Variants in MRE11 observed in about 807,000 individuals in gnomAD.
MRE11 encodes double-strand break repair protein MRE11.
A neutral mutation model predicts 91.7 loss-of-function variants in MRE11; 62 were observed. The ratio of observed to expected loss-of-function variants is 0.68; its 90% CI spans 0.55 to 0.84. MRE11 has a LOEUF of 0.84. MRE11 is among the 40% of genes least tolerant of loss of function. The pLI, the probability that MRE11 is intolerant of heterozygous loss-of-function variation, is 0.00. For missense variants in MRE11, 796 were observed against 852.9 expected, an observed-to-expected ratio of 0.93 and a Z score of 0.83; for synonymous variants, 273 against 271.4, an observed-to-expected ratio of 1.01 and a Z score of -0.06.
rs772736856 is a variant in MRE11 at position 94,461,042 on chromosome 11, A to C, written c.1226-6T>G. ...CCCAAAGTTGATCTCTTCTCCTAGA[A>C]AAAAAGAAGTATATCAAAAAATAGC... On this transcript the variant is annotated splice_polypyrimidine_tract_variant and splice_region_variant and intron_variant, in intron 11 of 19. Coordinates refer to ENST00000323929, the MANE Select transcript of MRE11 (RefSeq NM_005591.4). 1.2e-6 allele frequency: 2 copies of C among 1,606,256 alleles called. No individual in the cohort carries two copies. The highest frequency in any genetic ancestry group is 1.7e-5 in the Admixed American group (1 of 59,872).
intron 3 of MRE11, among the ~76,000 whole-genome samples, chr11:94,488,278 T>C (rs1446661837): frequency 6.6e-6 from 1 of 152,120 alleles, no homozygotes; most frequent in Non-Finnish European, 1.5e-5. Context: ...CACCTTACAT[T>C]CTATTATTGA....
intron 16 of MRE11, among the ~76,000 whole-genome samples, chr11:94,444,866 T>C (rs920906514): frequency 3.3e-5 from 5 of 151,714 alleles, no homozygotes; most frequent in African/African-American, 1.2e-4. Flanking sequence ...AGTGAAACAA[T>C]AACCTCAAAT....
At chr11:94,470,179 C>A (rs1946668154) in intron 9 of MRE11, among the ~76,000 whole-genome samples, 1 of 151,826 alleles carries the variant, frequency 6.6e-6, no homozygotes, top group African/African-American at 2.4e-5. Flanking sequence ...AACAAATCAT[C>A]AAATCAGGAT....
chr11:94,456,406 C>T lies in MRE11; in HGVS notation c.1501-68G>A, dbSNP rs1289324691. ...AGTTATGTAAATATAAAACAAGGGG[C>T]TACAATTAAGAAATGCTTTATGTTA... On this transcript the variant is annotated intron_variant, in intron 13 of 19. Transcript: ENST00000323929. 3.3e-6 allele frequency: 4 copies of T among 1,217,938 alleles called. No individual in the cohort carries two copies. In the East Asian group the frequency reaches 7.1e-5, roughly 22 times the overall value. 75.4% of individuals were successfully genotyped at this position (1,217,938 alleles called of 1,614,324 possible).
chr11:94,472,823 A>G (rs1004615417), intron 7 of MRE11: 1 of 152,162 alleles, frequency 6.6e-6, no homozygotes, highest in Admixed American at 6.6e-5. Flanking sequence ...CAAAAAATCC[A>G]AAATCTTAAA....
At chr11:94,453,011 C>T (rs1236247982) in intron 14 of MRE11, among the ~76,000 whole-genome samples, 1 of 152,166 alleles carries the variant, frequency 6.6e-6, no homozygotes. Flanking sequence ...CCCCAGTAAC[C>T]ACTATTCTAC....
At chr11:94,466,759 G>A (rs771908638) in intron 10 of MRE11, among the ~76,000 whole-genome samples, 2 of 152,078 alleles carry the variant, frequency 1.3e-5, no homozygotes, top group Non-Finnish European at 2.9e-5. Context: ...AAATACAGTG[G>A]GTTCTGATGC....
rs191111470 is a variant in MRE11 at position 94,482,273 on chromosome 11, G to A, written c.315-2512C>T. On this transcript the variant is annotated intron_variant, in intron 4 of 19. Transcript: ENST00000323929. Reference sequence around the variant, plus strand: ...CCCATGTTATGAAGGACAGAACTAAGGTAGAGTAGTTAAGTGACTAACATA... The same window carrying A: ...CCCATGTTATGAAGGACAGAACTAAAGTAGAGTAGTTAAGTGACTAACATA... 3.3e-5 allele frequency among the ~76,000 whole-genome samples: 5 copies of A among 152,280 alleles called. No individual in the cohort carries two copies. The East Asian group carries it at 9.7e-4, about 29-fold the overall frequency.
chr11:94,417,922 A>G lies in MRE11; in HGVS notation c.*2203T>C. 1 of 233,060 alleles carries G rather than the reference A, an allele frequency of 4.3e-6. No homozygotes were observed. Among genetic ancestry groups the G allele is most frequent in the Non-Finnish European group, 8.5e-6 (1 of 117,958 alleles). The allele number at this position is 233,060 out of a possible 1,614,324, so 14.4% of individuals were successfully genotyped here. On this transcript the variant is annotated 3_prime_UTR_variant, in exon 20 of 20. Transcript: ENST00000323929. Reference sequence around the variant, plus strand: ...AAATGCACTGTTGTATTTTTATGATAGGAAATAAAACACCAGAAAGACACT... The same window carrying G: ...AAATGCACTGTTGTATTTTTATGATGGGAAATAAAACACCAGAAAGACACT...
Position 94,435,825 on chromosome 11 carries a change from C to T in MRE11, c.1994+7G>A, listed in dbSNP as rs755153980. 3 of 1,610,078 alleles carry T rather than the reference C, an allele frequency of 1.9e-6. No homozygotes were observed. The highest frequency in any genetic ancestry group is 2.5e-6 in the Non-Finnish European group (3 of 1,176,650). On this transcript the variant is annotated splice_region_variant and intron_variant, in intron 18 of 19. Transcript: ENST00000323929. ...ATGTTTCTTTTGCAGAAAATCACTG[C>T]ACCTACCTTTGATCTGTCTTTGAAG...
chr11:94,476,702 A>G (rs1009127079), intron 6 of MRE11, among the ~76,000 whole-genome samples: 1 of 151,340 alleles, frequency 6.6e-6, no homozygotes, highest in East Asian at 2.0e-4. Flanking sequence ...CACCATGCCT[A>G]GCTGTTTCAG....
At chr11:94,428,198 A>G (rs549686522) in intron 19 of MRE11, among the ~76,000 whole-genome samples, 1 of 152,348 alleles carries the variant, frequency 6.6e-6, no homozygotes, top group Admixed American at 6.5e-5. Flanking sequence ...ACAGACACAC[A>G]GACCAATGGA....
rs942139795 is a variant in MRE11 at position 94,471,840 on chromosome 11, T to C, written c.660-81A>G. The C allele has an allele frequency of 8.9e-6, 10 of 1,127,256 alleles. No homozygotes were observed. The African/African-American group carries it at 1.4e-4, about 16-fold the overall frequency. The allele number at this position is 1,127,256 out of a possible 1,614,324, so 69.8% of individuals were successfully genotyped here. A position where few individuals can be genotyped will look rare whatever the true frequency, so the allele number is the denominator to read the frequency against. On this transcript the variant is annotated intron_variant, in intron 7 of 19. Coordinates refer to ENST00000323929, the MANE Select transcript of MRE11 (RefSeq NM_005591.4). ...TGAAGTCTATACAGATCTTTCTTTC[T>C]CCATTCACTAAAGATTTTATTGCAT... is the stretch of plus-strand genomic sequence containing the variant.
intron 19 of MRE11, among the ~76,000 whole-genome samples, chr11:94,421,911 C>G (rs1230818551): frequency 1.3e-5 from 2 of 152,044 alleles, no homozygotes; most frequent in Non-Finnish European, 2.9e-5. Context: ...GAAGGGGAAA[C>G]AGAGACTTGT....
At chr11:94,458,715 A>C (rs1349186089) in intron 13 of MRE11, among the ~76,000 whole-genome samples, 1 of 152,136 alleles carries the variant, frequency 6.6e-6, no homozygotes, top group Non-Finnish European at 1.5e-5. Flanking sequence ...ATTTTTCTCA[A>C]ATTGCTGCCA....
At chr11:94,495,403 C>A (rs545532216), upstream of MRE11, among the ~76,000 whole-genome samples, 25 of 152,098 alleles carry the variant, frequency 1.6e-4, no homozygotes, top group Non-Finnish European at 3.4e-4. Context: ...AGCTTATAAT[C>A]TTTTAAGGGG....
chr11:94,471,686 G>A lies in MRE11; in HGVS notation c.733C>T (p.His245Tyr). ...GGAGCTATTTTACACTCATGTTCATGGCCCCAGATAACAAGATCAATGAAG... is the reference window on the plus strand; with the variant it reads ...GGAGCTATTTTACACTCATGTTCATAGCCCCAGATAACAAGATCAATGAAG... Reference protein sequence around the residue: ...DDFIDLVIWGHEHECKIAPTK... With the variant: ...DDFIDLVIWGYEHECKIAPTK... The change falls in exon 8 of 20, where the codon CAT (histidine) becomes TAT (tyrosine). Residue 245 changes from histidine (H) to tyrosine (Y), a missense_variant. Coordinates refer to ENST00000323929, the MANE Select transcript of MRE11 (RefSeq NM_005591.4). The A allele has an allele frequency of 1.2e-6, 2 of 1,612,656 alleles. No individual in the cohort carries two copies. The highest frequency in any genetic ancestry group is 1.7e-6 in the Non-Finnish European group (2 of 1,179,128).
chr11:94,503,083 T>C, the MRE11 span, among the ~76,000 whole-genome samples: 1,611 of 152,314 alleles, frequency 0.011, 34 homozygotes, highest in African/African-American at 0.037. Flanking sequence ...CTGTTAAAAC[T>C]TTAGTTCATA....
chr11:94,467,690 A>G, intron 10 of MRE11, 123 bp downstream of exon 10: 2 of 810,028 alleles, frequency 2.5e-6, no homozygotes, highest in Non-Finnish European at 4.1e-6. Context: ...TTTGCCTCCG[A>G]TGGTGATTGC....
Sources: allele counts gnomAD v4.1 joint callset (sites outside exome capture counted in the v4.1 genomes callset), GRCh38; gene constraint gnomAD v4.1.1; transcripts MANE v1.5; gene names NCBI Gene and HGNC (gene_info 2026-07-23, HGNC 2026-07-21).